The following MON2 variants were observed in gnomAD, a reference collection of about 807,000 sequenced individuals.
MON2 encodes the protein protein MON2 homolog.
MON2 carries 84 observed loss-of-function variants against 208.6 expected under a neutral mutation model. The ratio of observed to expected loss-of-function variants is 0.40; its 90% CI spans 0.34 to 0.48. The LOEUF is 0.48. MON2 is among the 20% of genes least tolerant of loss of function. MON2 has a pLI of 0.59. For synonymous variants in MON2, 660 were observed against 694.0 expected (o/e 0.95, Z 0.77); for missense variants, 1,611 against 2,015.4 (o/e 0.80, Z 3.84).
chr12:62,533,038 G>A (rs1362281132), intron 12 of MON2, among the ~76,000 whole-genome samples: 1 of 152,104 alleles, frequency 6.6e-6, no homozygotes, highest in Non-Finnish European at 1.5e-5. Flanking sequence ...GTCCTTTTAT[G>A]TGTTGAATTT....
chr12:62,477,334 C>T (rs2069143186), intron 1 of MON2, among the ~76,000 whole-genome samples: 1 of 152,062 alleles, frequency 6.6e-6, no homozygotes, highest in Non-Finnish European at 1.5e-5. Flanking sequence ...CTTTTGCTTC[C>T]TTCGTTGGTA....
At chr12:62,576,379 T>C (rs1203876815) in intron 30 of MON2, among the ~76,000 whole-genome samples, 2 of 152,068 alleles carry the variant, frequency 1.3e-5, no homozygotes, top group East Asian at 1.9e-4. Flanking sequence ...CAAAATGTTC[T>C]GGAATTAGAA....
chr12:62,480,495 G>T (rs2069355034), intron 1 of MON2, among the ~76,000 whole-genome samples: 1 of 152,190 alleles, frequency 6.6e-6, no homozygotes, highest in Admixed American at 6.5e-5. Flanking sequence ...GAGCCTAGGG[G>T]TCCGTGCTGC....
chr12:62,499,222 A>G (rs1195757669), intron 5 of MON2, among the ~76,000 whole-genome samples, 174 bp downstream of exon 5: 6 of 152,106 alleles, frequency 3.9e-5, no homozygotes, highest in Admixed American at 3.9e-4. Flanking sequence ...TTCCTTGTTT[A>G]TTTCTAGTGT....
At chr12:62,540,139 A>G (rs1006059599) in intron 19 of MON2, among the ~76,000 whole-genome samples, 2 of 152,216 alleles carry the variant, frequency 1.3e-5, no homozygotes, top group South Asian at 2.1e-4. Context: ...GCAAGTTTAT[A>G]TGGTAATGTT....
At chr12:62,502,010 A>T (rs2070859485) in intron 7 of MON2, among the ~76,000 whole-genome samples, 1 of 152,138 alleles carries the variant, frequency 6.6e-6, no homozygotes, top group African/African-American at 2.4e-5. Context: ...TCATGAGATC[A>T]GGAGTTTGAG....
intron 25 of MON2, among the ~76,000 whole-genome samples, 166 bp downstream of exon 25, chr12:62,556,358 A>G (rs1407707710): frequency 6.6e-6 from 1 of 152,176 alleles, no homozygotes; most frequent in Admixed American, 6.5e-5. Context: ...TAGCCTCTAG[A>G]GGATACAATG....
At chr12:62,521,551 A>G (rs2072040290) in intron 8 of MON2, among the ~76,000 whole-genome samples, 6 of 152,158 alleles carry the variant, frequency 3.9e-5, no homozygotes, top group Admixed American at 1.3e-4. Flanking sequence ...ACACTTTGGG[A>G]ATGACTACCC....
At position 62,587,848 on chromosome 12, in the gene MON2, TGATAA is replaced by T. The variant is rs1332189580; in HGVS notation, c.4908-224_4908-220del. On this transcript the variant is annotated intron_variant, in intron 33 of 34. Coordinates refer to ENST00000393630, the MANE Select transcript of MON2 (RefSeq NM_015026.3). ...TAGATTGCCCCACCTCTTTATTAAT[TGATAA>T]GTCATGGCAAGAATAACTACAAATT... 281 of 338,828 alleles carry T rather than the reference TGATAA, an allele frequency of 8.3e-4. 4 individuals are homozygous for T. The East Asian group carries it at 0.015, about 18-fold the overall frequency. 21.0% of individuals were successfully genotyped at this position (338,828 alleles called of 1,614,324 possible). A position where few individuals can be genotyped will look rare whatever the true frequency, so the allele number is the denominator to read the frequency against.
At chr12:62,531,536 A>G (rs1472471306) in intron 11 of MON2, among the ~76,000 whole-genome samples, 46 of 152,190 alleles carry the variant, frequency 3.0e-4, no homozygotes, top group Non-Finnish European at 1.5e-5. Flanking sequence ...TTAGAACCAT[A>G]GTTCACTACC....
At chr12:62,501,950 G>A (rs765284720) in intron 7 of MON2, among the ~76,000 whole-genome samples, 17 of 151,964 alleles carry the variant, frequency 1.1e-4, no homozygotes, top group Non-Finnish European at 2.2e-4. Context: ...GGCTGGGCGC[G>A]GTGGCTCACC....
intron 22 of MON2, among the ~76,000 whole-genome samples, chr12:62,547,369 A>G (rs2073534953): frequency 6.6e-6 from 1 of 152,330 alleles, no homozygotes; most frequent in South Asian, 2.1e-4. Context: ...CTTACTTATA[A>G]GATACTTGAA....
rs141408825 is a variant in MON2, at chr12:62,566,324, G to A, written c.4197G>A (p.Ala1399=). Residue 1399 remains alanine (A), a splice_region_variant and synonymous_variant, in exon 29 of 35, where the codon GCG becomes GCA. Coordinates refer to ENST00000393630, the MANE Select transcript of MON2 (RefSeq NM_015026.3). The stretch of plus-strand genomic sequence containing the variant: ...CATGTGAAAATATTACTTTCTAGGC[G>A]GAATGGGTAGCCTTGAATTATGTGC... The part of the protein sequence containing the change: ...KYNQIQLFAP[A]EWVALNYVPF... 2.5e-6 allele frequency: 4 copies of A among 1,605,950 alleles called. No individual in the cohort carries two copies. The highest frequency in any genetic ancestry group is 1.3e-5 in the African/African-American group (1 of 74,596).
rs2071769553 is a variant in MON2 at position 62,517,591 on chromosome 12, C to CTT, written c.985-6924_985-6923insTT. ...AGACACCAGAGCATGCTTGCTCTCT[C>CTT]ACTTTCTTGCCCTCCACCATGTGAA... On this transcript the variant is annotated intron_variant, in intron 8 of 34. Transcript: ENST00000393630. 7.2e-5 allele frequency among the ~76,000 whole-genome samples: 11 copies of CTT among 152,304 alleles called. No individual in the cohort carries two copies. The South Asian group carries it at 2.3e-3, about 32-fold the overall frequency.
chr12:62,592,756 A>G lies in MON2; in HGVS notation c.*7A>G, dbSNP rs2075438275. ...TCAAAATGGAGAATCTTGACCGGCT[A>G]CAATATATTTGAAAGCAGGAAGATA... is the stretch of plus-strand genomic sequence containing the variant. On this transcript the variant is annotated 3_prime_UTR_variant, in exon 35 of 35. Coordinates refer to ENST00000393630, the MANE Select transcript of MON2 (RefSeq NM_015026.3). The G allele has an allele frequency of 3.8e-6, 6 of 1,568,468 alleles. No homozygotes were observed. The highest frequency in any genetic ancestry group is 1.2e-5 in the South Asian group (1 of 86,298).
intron 2 of MON2, among the ~76,000 whole-genome samples, chr12:62,490,308 A>G (rs2070045138): frequency 6.6e-6 from 1 of 152,054 alleles, no homozygotes; most frequent in Non-Finnish European, 1.5e-5. Context: ...AACTTTCATT[A>G]AAAAGAATCA....
intron 25 of MON2, among the ~76,000 whole-genome samples, chr12:62,558,568 C>T (rs541870722): frequency 5.3e-4 from 81 of 152,152 alleles, no homozygotes; most frequent in Middle Eastern, 3.4e-3. Flanking sequence ...GACTTTTAAA[C>T]TTTGATGGCA....
rs565922795 is a variant in MON2 at position 62,479,176 on chromosome 12, A to C, written c.112-4994A>C. On this transcript the variant is annotated intron_variant, in intron 1 of 34. Transcript: ENST00000393630. ...GGAATATAATTTAGAAGTCTTCAGC[A>C]GTTAGAAAGTAAATGAAACCATGAA... is the stretch of plus-strand genomic sequence containing the variant. 9.9e-4 allele frequency among the ~76,000 whole-genome samples: 151 copies of C among 152,330 alleles called. 1 individual carries two copies. The highest frequency in any genetic ancestry group is 3.5e-3 in the African/African-American group (145 of 41,586).
chr12:62,503,328 C>G (rs757091495), intron 7 of MON2, among the ~76,000 whole-genome samples: 3 of 152,176 alleles, frequency 2.0e-5, no homozygotes, highest in Non-Finnish European at 4.4e-5. Context: ...TTTATATACA[C>G]ATCACATCCC....
Sources: allele counts gnomAD v4.1 joint callset (sites outside exome capture counted in the v4.1 genomes callset), GRCh38; gene constraint gnomAD v4.1.1; transcripts MANE v1.5; gene names NCBI Gene and HGNC (gene_info 2026-07-23, HGNC 2026-07-21).